RANBP2: variants seen among roughly 807,000 people sequenced by gnomAD.
The protein encoded by RANBP2 is RAN binding protein 2.
RANBP2 carries 57 observed loss-of-function variants against 303.6 expected under a neutral mutation model. The observed-to-expected ratio is 0.19, with a 90% CI of 0.15 to 0.23. The LOEUF (loss-of-function observed/expected upper bound fraction) is 0.23, where lower values mean the gene tolerates loss of function less well. Ranked by LOEUF, RANBP2 falls within the 10% of genes least tolerant of loss-of-function variation. The pLI is 1.00. For missense variants in RANBP2, 3,138 were observed against 3,780.8 expected (o/e 0.83, Z 4.46); for synonymous variants, 1,167 against 1,301.5 (o/e 0.90, Z 2.23).
the RANBP2 span, among the ~76,000 whole-genome samples, chr2:109,222,389 A>C: frequency 6.6e-6 from 1 of 152,234 alleles, no homozygotes; most frequent in African/African-American, 2.4e-5. Flanking sequence ...GGTGATGGAT[A>C]TGCTAGTTAC....
chr2:109,347,774 G>A, the RANBP2 span: 17 of 1,613,844 alleles, frequency 1.1e-5, no homozygotes, highest in East Asian at 6.7e-5. Flanking sequence ...GTCCTGCGGC[G>A]CAAGGTGGAT....
the RANBP2 span, among the ~76,000 whole-genome samples, chr2:109,674,408 T>G: frequency 1.2e-4 from 2 of 16,048 alleles, no homozygotes; most frequent in Admixed American, 1.8e-3. Flanking sequence ...ACCTTGTGTC[T>G]CCAAAAAAAA....
the RANBP2 span, among the ~76,000 whole-genome samples, chr2:109,706,121 CT>C: frequency 6.6e-6 from 1 of 152,166 alleles, no homozygotes; most frequent in African/African-American, 2.4e-5. Context: ...GCTACCACCT[CT>C]CACCTGGGCT....
chr2:108,768,291 T>A lies in RANBP2; in HGVS notation c.7752T>A (p.Asp2584Glu), dbSNP rs201786942. The A allele has an allele frequency of 2.1e-5, 34 of 1,611,928 alleles. No individual in the cohort carries two copies. Among genetic ancestry groups the A allele is most frequent in the Non-Finnish European group, 2.7e-5 (32 of 1,179,870 alleles). ...PKKCELSKNS[D>E]IEQSSDSKVK... is the part of the protein sequence containing the mutation. The stretch of plus-strand genomic sequence containing the variant: ...AATGTGAACTGTCAAAGAACTCTGA[T>A]ATCGAACAGTCTTCAGATAGCAAAG... The change falls in exon 20 of 29, where the codon GAT (aspartate) becomes GAA (glutamate). Residue 2584 changes from aspartate to glutamate, a missense_variant. Physicochemically the swap from Asp to Glu is conservative, Grantham distance 45. Coordinates refer to ENST00000283195, the MANE Select transcript of RANBP2 (RefSeq NM_006267.5).
chr2:109,060,853 A>C, the RANBP2 span, among the ~76,000 whole-genome samples: 2 of 152,300 alleles, frequency 1.3e-5, no homozygotes, highest in East Asian at 3.9e-4. Context: ...TATGTGTCAT[A>C]TATATAACAT....
the RANBP2 span, among the ~76,000 whole-genome samples, chr2:108,924,056 C>T: frequency 6.6e-6 from 1 of 152,252 alleles, no homozygotes; most frequent in Non-Finnish European, 1.5e-5. Context: ...TAAGTGCCTC[C>T]TTCTCAGAAA....
chr2:109,072,312 G>A, the RANBP2 span, among the ~76,000 whole-genome samples: 36 of 152,136 alleles, frequency 2.4e-4, no homozygotes, highest in Admixed American at 2.4e-3. Context: ...TGCTATTCTG[G>A]AGGCCCAAAT....
the RANBP2 span, among the ~76,000 whole-genome samples, chr2:109,319,266 A>G: frequency 3.3e-5 from 5 of 152,174 alleles, no homozygotes; most frequent in African/African-American, 1.2e-4. Flanking sequence ...TGGAGTTGAG[A>G]AAGAGTTGGT....
chr2:109,631,479 G>A, the RANBP2 span, among the ~76,000 whole-genome samples: 1,448 of 152,216 alleles, frequency 9.5e-3, 63 homozygotes, highest in East Asian at 0.13. Flanking sequence ...ATTCTGGCCG[G>A]GTGCAGTGGC....
chr2:108,978,035 C>T, the RANBP2 span, among the ~76,000 whole-genome samples: 14 of 152,328 alleles, frequency 9.2e-5, no homozygotes, highest in East Asian at 2.3e-3. Flanking sequence ...AACAGGGCTG[C>T]GGTTCAAAGT....
At chr2:109,565,921 AT>A in the RANBP2 span, 2 of 1,348,780 alleles carry the variant, frequency 1.5e-6, no homozygotes, top group Non-Finnish European at 2.1e-6. Flanking sequence ...GATAAAATAA[AT>A]TTTATGTGAG....
At chr2:109,321,166 C>T in the RANBP2 span, among the ~76,000 whole-genome samples, 2 of 152,362 alleles carry the variant, frequency 1.3e-5, no homozygotes, top group East Asian at 1.9e-4. Context: ...ACCTCTCAAA[C>T]GCTTCTTTGC....
the RANBP2 span, among the ~76,000 whole-genome samples, chr2:109,715,968 C>A: frequency 6.6e-6 from 1 of 152,104 alleles, no homozygotes; most frequent in Admixed American, 6.6e-5. Context: ...TAGTGTAAAC[C>A]AAAATGTGTC....
chr2:109,193,723 T>C, the RANBP2 span, among the ~76,000 whole-genome samples: 7 of 152,360 alleles, frequency 4.6e-5, no homozygotes, highest in South Asian at 1.5e-3. Context: ...GTATACATTC[T>C]GACCCCAAAT....
At chr2:108,986,888 C>G in the RANBP2 span, among the ~76,000 whole-genome samples, 35,898 of 152,070 alleles carry the variant, frequency 0.24, 5,945 homozygotes, top group East Asian at 0.84. Context: ...GCTTTTGTCC[C>G]CTAATTGATC....
chr2:109,098,850 C>T, the RANBP2 span, among the ~76,000 whole-genome samples: 16 of 152,072 alleles, frequency 1.1e-4, no homozygotes, highest in Admixed American at 5.2e-4. Context: ...CTGTAATACC[C>T]GGTTATTTGG....
the RANBP2 span, among the ~76,000 whole-genome samples, chr2:108,878,801 A>G: frequency 2.0e-5 from 3 of 152,222 alleles, no homozygotes; most frequent in East Asian, 1.9e-4. Flanking sequence ...GTTAACTACA[A>G]TCTTCTACAT....
At chr2:108,823,528 A>G in the RANBP2 span, among the ~76,000 whole-genome samples, 4 of 152,342 alleles carry the variant, frequency 2.6e-5, no homozygotes, top group South Asian at 6.2e-4. Context: ...ATAGCCTACT[A>G]CCAGCCTAGG....
rs557433613 is a variant in RANBP2 at position 108,732,551 on chromosome 2, C to A, written c.405+1077C>A. ...ACCTGTTTAACCCGACCAAAGCACACTATCAAAATCAGGAATTTTGACATT... is the reference window on the plus strand; with the variant it reads ...ACCTGTTTAACCCGACCAAAGCACAATATCAAAATCAGGAATTTTGACATT... On this transcript the variant is annotated intron_variant, in intron 4 of 28. Coordinates refer to ENST00000283195, the MANE Select transcript of RANBP2 (RefSeq NM_006267.5). Among the ~76,000 whole-genome samples, 12 of 152,298 alleles carry A rather than the reference C, an allele frequency of 7.9e-5. No individual in the cohort carries two copies. In the South Asian group the frequency reaches 2.1e-3, roughly 26 times the overall value.
Sources: gnomAD v4.1 joint callset for allele counts (sites outside exome capture counted in the v4.1 genomes callset) on GRCh38, gnomAD v4.1.1 for gene constraint, MANE v1.5 for transcripts, NCBI Gene and HGNC (gene_info 2026-07-23, HGNC 2026-07-21) for gene names.